The following CAP1 variants were observed in gnomAD, a reference collection of about 807,000 sequenced individuals.
The protein encoded by CAP1 is cyclase associated actin cytoskeleton regulatory protein 1, also known as adenylyl cyclase-associated protein 1.
Under a neutral mutation model 58.2 loss-of-function variants are expected in CAP1, and 11 were observed. The observed-to-expected ratio is 0.19, with a 90% CI of 0.12 to 0.31. The LOEUF is 0.31. CAP1 is among the 10% of genes least tolerant of loss of function. The pLI is 1.00. For missense variants in CAP1, 423 were observed against 587.5 expected (o/e 0.72, Z 2.89); for synonymous variants, 183 against 213.8 (o/e 0.86, Z 1.26).
chr1:40,050,951 T>C (rs1393769291), intron 1 of CAP1, among the ~76,000 whole-genome samples: 2 of 152,302 alleles, frequency 1.3e-5, no homozygotes, highest in South Asian at 4.1e-4. Context: ...TTCCCTATAA[T>C]ACTCCATGTT....
chr1:40,045,019 C>T (rs1646025895), intron 1 of CAP1, among the ~76,000 whole-genome samples: 2 of 151,798 alleles, frequency 1.3e-5, no homozygotes, highest in African/African-American at 4.8e-5. Context: ...CTCCTGATCT[C>T]GTGATCTGCT....
At chr1:40,046,773 C>CTTTT (rs750614525) in intron 1 of CAP1, among the ~76,000 whole-genome samples, 1 of 140,370 alleles carries the variant, frequency 7.1e-6, no homozygotes, top group South Asian at 2.3e-4. Flanking sequence ...TTTATTTAAA[C>CTTTT]TTTTTTTTTT....
At position 40,072,370 on chromosome 1, in the gene CAP1, C is replaced by T. The variant is rs1206117190; in HGVS notation, c.*837C>T. On this transcript the variant is annotated 3_prime_UTR_variant, in exon 13 of 13. Transcript: ENST00000372805. ...GCCTCCTTTTCCCTGTCATGCTCAT[C>T]AGCTTATGGCTTCTGTCTAAGCACC... 3 of 300,070 alleles carry T rather than the reference C, an allele frequency of 1.0e-5. No individual in the cohort carries two copies. Among genetic ancestry groups the T allele is most frequent in the Non-Finnish European group, 1.8e-5 (3 of 164,510 alleles). 18.6% of individuals were successfully genotyped at this position (300,070 alleles called of 1,614,324 possible).
At chr1:40,052,930 A>G (rs1463863701) in intron 1 of CAP1, among the ~76,000 whole-genome samples, 1 of 151,960 alleles carries the variant, frequency 6.6e-6, no homozygotes, top group Non-Finnish European at 1.5e-5. Flanking sequence ...CTCTAATAAA[A>G]ATACAAAAAA....
At chr1:40,064,703 G>A in intron 6 of CAP1, 144 bp downstream of exon 6, 2 of 680,274 alleles carry the variant, frequency 2.9e-6, no homozygotes, top group Non-Finnish European at 5.3e-6. Context: ...AGTCCTCCAA[G>A]TAGCTGGGAC....
At chr1:40,048,489 G>A (rs115233488) in intron 1 of CAP1, among the ~76,000 whole-genome samples, 1,899 of 152,276 alleles carry the variant, frequency 0.012, 42 homozygotes, top group African/African-American at 0.043. Flanking sequence ...TTAAAACCTC[G>A]TGATAAGAAT....
At chr1:40,063,088 C>T (rs1428115938) in intron 4 of CAP1, among the ~76,000 whole-genome samples, 2 of 152,184 alleles carry the variant, frequency 1.3e-5, no homozygotes, top group African/African-American at 4.8e-5. Context: ...GCCTTGACCT[C>T]CCAGGTGTAA....
At chr1:40,043,209 T>C (rs1021434309) in intron 1 of CAP1, among the ~76,000 whole-genome samples, 3 of 152,054 alleles carry the variant, frequency 2.0e-5, no homozygotes, top group Non-Finnish European at 4.4e-5. Context: ...GTTTGTTTGT[T>C]TGTTTTGAGA....
chr1:40,061,226 A>G (rs1457414737), intron 3 of CAP1, among the ~76,000 whole-genome samples: 1 of 151,388 alleles, frequency 6.6e-6, no homozygotes, highest in East Asian at 1.9e-4. Flanking sequence ...CTTTTGTTCC[A>G]TTAAGCTCAC....
intron 4 of CAP1, among the ~76,000 whole-genome samples, chr1:40,063,745 A>G (rs937286293): frequency 3.3e-5 from 5 of 152,248 alleles, no homozygotes; most frequent in African/African-American, 1.2e-4. Context: ...AAACATATTC[A>G]CATGGGTCCA....
At chr1:40,046,287 C>G (rs1282060686) in intron 1 of CAP1, among the ~76,000 whole-genome samples, 2 of 152,138 alleles carry the variant, frequency 1.3e-5, no homozygotes, top group African/African-American at 4.8e-5. Context: ...AAAACCCCGT[C>G]CCTACTAAAA....
intron 7 of CAP1, chr1:40,067,279 AT>A: frequency 2.4e-6 from 1 of 414,006 alleles, no homozygotes; most frequent in Non-Finnish European, 4.3e-6. Context: ...TGTCAAGTAG[AT>A]TTGTGGAAAT....
chr1:40,070,614 A>G (rs879497708), intron 11 of CAP1, 102 bp downstream of exon 11: 26 of 1,085,534 alleles, frequency 2.4e-5, no homozygotes, highest in African/African-American at 4.7e-5. Context: ...TGATTCTACA[A>G]AGTCTGTAAG....
intron 8 of CAP1, 62 bp from the exon 9 acceptor site, chr1:40,069,628 G>A (rs1222812793): frequency 9.1e-6 from 13 of 1,431,026 alleles, no homozygotes; most frequent in Non-Finnish European, 1.3e-5. Flanking sequence ...TGTTTAACAT[G>A]ACGATAGCAG....
At chr1:40,046,489 AC>A (rs973627065) in intron 1 of CAP1, among the ~76,000 whole-genome samples, 5 of 146,954 alleles carry the variant, frequency 3.4e-5, no homozygotes, top group African/African-American at 5.0e-5. Context: ...ACAAAAAAAA[AC>A]AAACAAACAC....
At chr1:40,066,593 A>G (rs1443670941) in intron 7 of CAP1, among the ~76,000 whole-genome samples, 2 of 152,238 alleles carry the variant, frequency 1.3e-5, no homozygotes, top group African/African-American at 4.8e-5. Context: ...CAAATGAGTT[A>G]CACTATCCCA....
chr1:40,045,372 A>G (rs16826787), intron 1 of CAP1, among the ~76,000 whole-genome samples: 17,381 of 152,110 alleles, frequency 0.11, 1,108 homozygotes, highest in East Asian at 0.23. Flanking sequence ...GTATCCTACA[A>G]TGAATGAATC....
intron 12 of CAP1, among the ~76,000 whole-genome samples, 189 bp downstream of exon 12, chr1:40,071,168 G>T (rs866784130): frequency 6.6e-6 from 1 of 152,196 alleles, no homozygotes; most frequent in Non-Finnish European, 1.5e-5. Context: ...TTCTGCCTAA[G>T]TGGAGCTCAA....
At chr1:40,064,021 C>T (rs557676756) in intron 4 of CAP1, among the ~76,000 whole-genome samples, 1 of 152,268 alleles carries the variant, frequency 6.6e-6, no homozygotes, top group South Asian at 2.1e-4. Flanking sequence ...CATGAAGAAC[C>T]ATCAGGTGCA....
Sources: gnomAD v4.1 joint callset for allele counts (sites outside exome capture counted in the v4.1 genomes callset) on GRCh38, gnomAD v4.1.1 for gene constraint, MANE v1.5 for transcripts, NCBI Gene and HGNC (gene_info 2026-07-23, HGNC 2026-07-21) for gene names.